MED15: variants seen among roughly 807,000 people sequenced by gnomAD.
MED15 encodes the protein mediator complex subunit 15.
MED15 carries 41 observed loss-of-function variants against 118.7 expected under a neutral mutation model. The observed-to-expected ratio is 0.35, with a 90% CI of 0.27 to 0.45. The LOEUF is 0.45. Among genes scored for constraint, MED15 ranks in the 20% least tolerant of loss-of-function variants. MED15 has a pLI of 1.00. For synonymous variants in MED15, 436 were observed against 413.9 expected (o/e 1.05, Z -0.65); for missense variants, 740 against 1,025.5 (o/e 0.72, Z 3.80).
chr22:20,531,722 C>T (rs569524924), intron 1 of MED15, among the ~76,000 whole-genome samples: 1 of 152,270 alleles, frequency 6.6e-6, no homozygotes, highest in Non-Finnish European at 1.5e-5. Context: ...GCAGTGATGA[C>T]TGCCCACTGC....
At chr22:20,508,843 C>A (rs556222763) in intron 1 of MED15, among the ~76,000 whole-genome samples, 1 of 152,184 alleles carries the variant, frequency 6.6e-6, no homozygotes, top group Non-Finnish European at 1.5e-5. Context: ...CAGTTTTTAA[C>A]TGAGCTTATT....
In MED15 at chr22:20,585,085, C is replaced by T; in HGVS notation, c.1965-16C>T. On this transcript the variant is annotated splice_polypyrimidine_tract_variant and intron_variant, in intron 15 of 17. Coordinates refer to ENST00000263205, the MANE Select transcript of MED15 (RefSeq NM_001003891.3). ...GGCCGCGTGTGCCAGGTGTGGTCACCATGCCGCCTCCCCAGGGCCCCAGTG... is the reference window on the plus strand; with the variant it reads ...GGCCGCGTGTGCCAGGTGTGGTCACTATGCCGCCTCCCCAGGGCCCCAGTG... The T allele has an allele frequency of 1.2e-6, 2 of 1,613,446 alleles. No individual in the cohort carries two copies. The highest frequency in any genetic ancestry group is 1.7e-6 in the Non-Finnish European group (2 of 1,179,764).
chr22:20,586,866 T>C lies in MED15; in HGVS notation c.*162T>C. 8.8e-7 allele frequency: 1 copy of C among 1,138,232 alleles called. No individual in the cohort carries two copies. The highest frequency in any genetic ancestry group is 1.2e-6 in the Non-Finnish European group (1 of 822,534). The allele number at this position is 1,138,232 out of a possible 1,614,324, so 70.5% of individuals were successfully genotyped here. ...CCTGCCAAACGAAATCCCACACCTG[T>C]ACAGAACTGGGATAGGCGCAGTGGA... On this transcript the variant is annotated 3_prime_UTR_variant, in exon 18 of 18. Transcript: ENST00000263205.
chr22:20,566,778 C>G lies in MED15; in HGVS notation c.1002C>G (p.Leu334=), dbSNP rs1273594863. The part of the protein sequence containing the change: ...TQPLVSQAQA[L]PGQMLYTQPP... ...CTTTGGTGTCACAGGCGCAAGCTCTCCCTGGACAAATGTTGTATACCCAAC... is the reference window on the plus strand; with the variant it reads ...CTTTGGTGTCACAGGCGCAAGCTCTGCCTGGACAAATGTTGTATACCCAAC... The change falls in exon 7 of 18, where the codon CTC becomes CTG. Residue 334 remains leucine (L), a synonymous_variant. Transcript: ENST00000263205. 9 of 1,614,092 alleles carry G rather than the reference C, an allele frequency of 5.6e-6. No individual in the cohort carries two copies. Among genetic ancestry groups the G allele is most frequent in the Non-Finnish European group, 7.6e-6 (9 of 1,180,056 alleles).
rs554600411 is a variant in MED15, at chr22:20,572,395, G to C, written c.1153-2718G>C. On this transcript the variant is annotated intron_variant, in intron 8 of 17. Coordinates refer to ENST00000263205, the MANE Select transcript of MED15 (RefSeq NM_001003891.3). ...CCATGCAGGCAGCCCTCCATGCCCT[G>C]TCTCTCAAGCCCATCTTAGAGCCGA... Among the ~76,000 whole-genome samples, 24 of 152,360 alleles carry C rather than the reference G, an allele frequency of 1.6e-4. No individual in the cohort carries two copies. In the South Asian group the frequency reaches 4.1e-3, roughly 26 times the overall value.
At chr22:20,508,367 C>T (rs765842361) in intron 1 of MED15, 2 of 1,304,230 alleles carry the variant, frequency 1.5e-6, no homozygotes, top group Non-Finnish European at 2.0e-6. Flanking sequence ...ACTCTAGCCC[C>T]TCACCACCGA....
Position 20,584,555 on chromosome 22 carries a change from G to A in MED15, c.1803+130G>A, listed in dbSNP as rs558108057. On this transcript the variant is annotated intron_variant, in intron 14 of 17. Coordinates refer to ENST00000263205, the MANE Select transcript of MED15 (RefSeq NM_001003891.3). ...GGGCCTGACCTTGGACCCTGCCCAC[G>A]AGGCTTCCTGGCCAGGTCTGCTGTG... is the stretch of plus-strand genomic sequence containing the variant. 5.0e-5 allele frequency: 56 copies of A among 1,116,992 alleles called. 1 individual carries two copies. The highest frequency in any genetic ancestry group is 4.3e-4 in the Middle Eastern group (2 of 4,638). 69.2% of individuals were successfully genotyped at this position (1,116,992 alleles called of 1,614,324 possible).
intron 6 of MED15, among the ~76,000 whole-genome samples, chr22:20,565,643 C>T (rs561265981): frequency 1.3e-5 from 2 of 152,334 alleles, no homozygotes; most frequent in South Asian, 2.1e-4. Context: ...TGGCACCCCT[C>T]TCCCAGAGCT....
At chr22:20,579,920 C>G (rs1463932273) in intron 9 of MED15, among the ~76,000 whole-genome samples, 1 of 152,000 alleles carries the variant, frequency 6.6e-6, no homozygotes, top group Non-Finnish European at 1.5e-5. Context: ...CTGTGACACA[C>G]CGGCGCCCGA....
intron 8 of MED15, among the ~76,000 whole-genome samples, chr22:20,569,354 C>T (rs2056559430): frequency 6.6e-6 from 1 of 152,180 alleles, no homozygotes; most frequent in Admixed American, 6.5e-5. Context: ...ATGGTGGAAA[C>T]ACTGTTGGTC....
intron 1 of MED15, among the ~76,000 whole-genome samples, chr22:20,521,648 G>T (rs1249387961): frequency 6.7e-6 from 1 of 150,118 alleles, no homozygotes; most frequent in Admixed American, 6.7e-5. Context: ...CCCCTACCTC[G>T]GCCTCCCAAA....
chr22:20,509,428 G>C (rs1484019446), intron 1 of MED15, among the ~76,000 whole-genome samples: 2 of 152,122 alleles, frequency 1.3e-5, no homozygotes, highest in Non-Finnish European at 2.9e-5. Flanking sequence ...CTAGCTCACT[G>C]CCTGCCACAT....
chr22:20,537,916 G>C (rs887733962), intron 2 of MED15, among the ~76,000 whole-genome samples: 1 of 151,870 alleles, frequency 6.6e-6, no homozygotes, highest in African/African-American at 2.4e-5. Context: ...GACTGAAGTG[G>C]GATAGAGTGG....
chr22:20,555,561 A>G (rs896921538), intron 5 of MED15, among the ~76,000 whole-genome samples: 5 of 152,212 alleles, frequency 3.3e-5, no homozygotes, highest in African/African-American at 4.8e-5. Context: ...CTTGGTCACC[A>G]TGGGTGTGGC....
At chr22:20,543,111 TTGTGTGTGTGTGTGTG>T (rs61279859) in intron 2 of MED15, among the ~76,000 whole-genome samples, 15,215 of 141,172 alleles carry the variant, frequency 0.11, 1,090 homozygotes, top group Non-Finnish European at 0.15. Context: ...TCTCTCTTCT[TTGTGTGTGTGTGTGTG>T]TGTGTGTGTG....
At chr22:20,568,214 C>T (rs2056512394) in intron 7 of MED15, among the ~76,000 whole-genome samples, 1 of 152,152 alleles carries the variant, frequency 6.6e-6, no homozygotes, top group Non-Finnish European at 1.5e-5. Flanking sequence ...CATCAGCATG[C>T]TTGGCCCAGA....
intron 1 of MED15, among the ~76,000 whole-genome samples, chr22:20,512,792 G>A (rs972729457): frequency 3.3e-5 from 5 of 150,000 alleles, no homozygotes; most frequent in African/African-American, 9.8e-5. Context: ...TCTCACTCTG[G>A]AGTGCAATGG....
chr22:20,553,503 A>C (rs1442438507), intron 4 of MED15, among the ~76,000 whole-genome samples: 1 of 152,248 alleles, frequency 6.6e-6, no homozygotes, highest in South Asian at 2.1e-4. Flanking sequence ...TGCTGTTTTC[A>C]GTGTAATAAT....
At chr22:20,578,392 G>A (rs766828076) in intron 9 of MED15, among the ~76,000 whole-genome samples, 7 of 152,150 alleles carry the variant, frequency 4.6e-5, no homozygotes, top group Non-Finnish European at 1.0e-4. Flanking sequence ...GGCCTTCCCC[G>A]CAGAGGGCCC....
Sources: allele counts gnomAD v4.1 joint callset (sites outside exome capture counted in the v4.1 genomes callset), GRCh38; gene constraint gnomAD v4.1.1; transcripts MANE v1.5; gene names NCBI Gene and HGNC (gene_info 2026-07-23, HGNC 2026-07-21).